ABCD3: variants seen among roughly 807,000 people sequenced by gnomAD.
ABCD3 encodes ATP binding cassette subfamily D member 3.
ABCD3 carries 41 observed loss-of-function variants against 105.5 expected under a neutral mutation model. The observed-to-expected ratio is 0.39, with a 90% confidence interval of 0.30 to 0.50. ABCD3 has a LOEUF of 0.50. Ranked by LOEUF, ABCD3 falls within the 20% of genes least tolerant of loss-of-function variation. ABCD3 has a pLI of 0.84. For synonymous variants in ABCD3, 258 were observed against 269.0 expected (o/e 0.96, Z 0.40); for missense variants, 622 against 806.3 (o/e 0.77, Z 2.77).
rs183980121 is a variant in ABCD3, at chr1:94,482,652, A to T, written c.828-518A>T. ...GCTCAGGAAACGTGGAATTGTTGTG[A>T]GGATATGATGGGGTTCCAGGGTTTC... On this transcript the variant is annotated intron_variant, in intron 9 of 22. Coordinates refer to ENST00000370214, the MANE Select transcript of ABCD3 (RefSeq NM_002858.4). 68 of 160,036 alleles carry T rather than the reference A, an allele frequency of 4.2e-4. No individual in the cohort carries two copies. In the East Asian group the frequency reaches 0.011, roughly 26 times the overall value. The allele number at this position is 160,036 out of a possible 1,614,324, so 9.9% of individuals were successfully genotyped here.
chr1:94,432,120 A>G (rs1266849696), intron 1 of ABCD3, among the ~76,000 whole-genome samples: 4 of 152,224 alleles, frequency 2.6e-5, no homozygotes, highest in African/African-American at 9.6e-5. Flanking sequence ...AGGAAATAAC[A>G]ACATTTATCC....
intron 1 of ABCD3, among the ~76,000 whole-genome samples, chr1:94,449,915 C>T (rs1198996191): frequency 6.6e-6 from 1 of 152,112 alleles, no homozygotes; most frequent in Non-Finnish European, 1.5e-5. Context: ...GGGAGCTAAA[C>T]ATAAGGATTT....
At chr1:94,489,615 GTTACTTCAT>G in intron 13 of ABCD3, 101 bp from the exon 14 acceptor site, 1 of 778,876 alleles carries the variant, frequency 1.3e-6, no homozygotes, top group Non-Finnish European at 2.2e-6. Flanking sequence ...AGACTGTTAG[GTTACTTCAT>G]TTATACTAAA....
At chr1:94,438,733 C>G (rs908557197) in intron 1 of ABCD3, among the ~76,000 whole-genome samples, 1 of 152,080 alleles carries the variant, frequency 6.6e-6, no homozygotes, top group Admixed American at 6.6e-5. Flanking sequence ...AAAGGATGAA[C>G]ATTTTTTAGC....
chr1:94,489,849 T>G, intron 14 of ABCD3, 33 bp downstream of exon 14: 20 of 1,611,734 alleles, frequency 1.2e-5, no homozygotes, highest in Non-Finnish European at 1.7e-5. Context: ...AAGGTCACAA[T>G]TTTAAGTGTT....
At chr1:94,473,637 G>C in intron 4 of ABCD3, 129 bp from the exon 5 acceptor site, 1 of 771,488 alleles carries the variant, frequency 1.3e-6, no homozygotes, top group Non-Finnish European at 2.2e-6. Flanking sequence ...GTGGTTTTTA[G>C]CATCTTTTTT....
chr1:94,433,155 CT>C lies in ABCD3; in HGVS notation c.110+14582del, dbSNP rs74203433. 2.7e-3 allele frequency among the ~76,000 whole-genome samples: 360 copies of C among 130,910 alleles called. 1 individual carries two copies. The highest frequency in any genetic ancestry group is 2.7e-3 in the Non-Finnish European group (164 of 61,004). The allele number at this position is 130,910 out of a possible 152,430, so 85.9% of individuals were successfully genotyped here. On this transcript the variant is annotated intron_variant, in intron 1 of 22. Coordinates refer to ENST00000370214, the MANE Select transcript of ABCD3 (RefSeq NM_002858.4). ...ACAGGCGTAAGCCACAACGCCCAGCCTTTTTTTTTTTTTTTCCAGACATAGT... is the reference window on the plus strand; with the variant it reads ...ACAGGCGTAAGCCACAACGCCCAGCCTTTTTTTTTTTTTTCCAGACATAGT...
chr1:94,477,090 T>C (rs1390531914), intron 7 of ABCD3, among the ~76,000 whole-genome samples: 3 of 152,026 alleles, frequency 2.0e-5, no homozygotes, highest in Non-Finnish European at 2.9e-5. Flanking sequence ...GTAGTGGGGC[T>C]GTACACCAGT....
chr1:94,478,602 G>C, intron 8 of ABCD3: 1 of 1,360,444 alleles, frequency 7.4e-7, no homozygotes, highest in Non-Finnish European at 1.0e-6. Context: ...TGTAATCCCA[G>C]CACTTTGGGA....
At chr1:94,411,908 T>C in the ABCD3 span, among the ~76,000 whole-genome samples, 393 of 152,310 alleles carry the variant, frequency 2.6e-3, 3 homozygotes, top group African/African-American at 9.1e-3. Flanking sequence ...AGGGCACATA[T>C]TGTATGATTC....
intron 2 of ABCD3, 34 bp downstream of exon 2, chr1:94,458,677 C>A: frequency 6.3e-7 from 1 of 1,583,284 alleles, no homozygotes; most frequent in Non-Finnish European, 8.7e-7. Flanking sequence ...TTTGGGATTT[C>A]ATGCATTTAT....
chr1:94,419,834 TA>T (rs370087739), intron 1 of ABCD3, among the ~76,000 whole-genome samples: 36 of 152,334 alleles, frequency 2.4e-4, no homozygotes, highest in African/African-American at 8.7e-4. Context: ...GTCTGGGCAA[TA>T]ACAGCGCTTA....
At chr1:94,515,834 CCCTT>C (rs924360012) in intron 22 of ABCD3, among the ~76,000 whole-genome samples, 1 of 150,164 alleles carries the variant, frequency 6.7e-6, no homozygotes, top group Non-Finnish European at 1.5e-5. Context: ...CTCCCTCCCT[CCCTT>C]CCTTTCTTCC....
chr1:94,481,692 T>G (rs1649034059), intron 9 of ABCD3: 1 of 152,236 alleles, frequency 6.6e-6, no homozygotes, highest in African/African-American at 2.4e-5. Context: ...CTAGCTCCTC[T>G]CCCCTGCAGA....
intron 2 of ABCD3, 99 bp from the exon 3 acceptor site, chr1:94,464,676 T>C: frequency 9.7e-7 from 1 of 1,029,976 alleles, no homozygotes; most frequent in Non-Finnish European, 1.5e-6. Flanking sequence ...AGTTTTTATC[T>C]TGATAGCTGT....
chr1:94,499,697 A>G (rs1649999222), intron 20 of ABCD3, 83 bp downstream of exon 20: 10 of 1,550,806 alleles, frequency 6.4e-6, no homozygotes, highest in South Asian at 3.4e-5. Flanking sequence ...TTCATCTTAT[A>G]TTTTTTTATT....
intron 16 of ABCD3, among the ~76,000 whole-genome samples, chr1:94,495,709 T>C (rs372285998): frequency 2.6e-5 from 4 of 152,206 alleles, no homozygotes; most frequent in African/African-American, 9.6e-5. Context: ...GCAGGAATAT[T>C]GATGCCATTG....
chr1:94,455,700 C>T (rs1163278872), intron 1 of ABCD3: 1 of 513,058 alleles, frequency 1.9e-6, no homozygotes, highest in Non-Finnish European at 3.6e-6. Flanking sequence ...CCAATTGAAG[C>T]TTTATAAGAT....
chr1:94,491,757 C>A (rs951367867), intron 16 of ABCD3, among the ~76,000 whole-genome samples: 4 of 152,038 alleles, frequency 2.6e-5, no homozygotes, highest in Admixed American at 2.6e-4. Context: ...ATTCAATATA[C>A]TCTGCTAATG....
Sources: allele counts gnomAD v4.1 joint callset (sites outside exome capture counted in the v4.1 genomes callset), GRCh38; gene constraint gnomAD v4.1.1; transcripts MANE v1.5; gene names NCBI Gene and HGNC (gene_info 2026-07-23, HGNC 2026-07-21).